The following NBAS variants were observed in gnomAD, a reference collection of about 807,000 sequenced individuals.
NBAS encodes NBAS subunit of NRZ tethering complex, also known as NAG/BC035112 fusion.
NBAS carries 219 observed loss-of-function variants against 302.5 expected under a neutral mutation model. That is an observed-to-expected ratio of 0.72 (90% CI 0.65 to 0.81). NBAS has a LOEUF of 0.81. NBAS is among the 30% of genes least tolerant of loss of function. The pLI is 0.00. For missense variants in NBAS, 2,932 were observed against 2,841.6 expected, an observed-to-expected ratio of 1.03 and a Z score of -0.72; for synonymous variants, 1,118 against 1,021.6, an observed-to-expected ratio of 1.09 and a Z score of -1.80.
the NBAS span, among the ~76,000 whole-genome samples, chr2:15,009,635 C>CAT: frequency 5.1e-4 from 68 of 133,376 alleles, no homozygotes; most frequent in African/African-American, 1.7e-3. Flanking sequence ...CACACACACA[C>CAT]ACATATACAC....
In NBAS at chr2:15,466,641, CAA is replaced by C. The variant is rs923185891; in HGVS notation, c.2097+686_2097+687del. Among the ~76,000 whole-genome samples, 82 of 152,192 alleles carry C rather than the reference CAA, an allele frequency of 5.4e-4. No homozygotes were observed. The Middle Eastern group carries it at 0.017, about 32-fold the overall frequency. On this transcript the variant is annotated intron_variant, in intron 19 of 51. Transcript: ENST00000281513. ...GAATCAACTAAATTCAACCCACTAA[CAA>C]ATAATTAAAATACGCCAGGCATAGT... is the stretch of plus-strand genomic sequence containing the variant.
chr2:14,819,775 T>G, the NBAS span, among the ~76,000 whole-genome samples: 1 of 152,098 alleles, frequency 6.6e-6, no homozygotes, highest in Non-Finnish European at 1.5e-5. Context: ...TGACAAGAAA[T>G]TAATAACTGA....
intron 51 of NBAS, among the ~76,000 whole-genome samples, chr2:15,175,453 C>A (rs1017190070): frequency 2.0e-5 from 3 of 152,196 alleles, no homozygotes; most frequent in Non-Finnish European, 2.9e-5. Context: ...GTTATAAATA[C>A]GTATCTGCTT....
intron 47 of NBAS, among the ~76,000 whole-genome samples, chr2:15,226,521 T>C (rs1290497551): frequency 6.6e-6 from 1 of 152,236 alleles, no homozygotes; most frequent in African/African-American, 2.4e-5. Context: ...TATAGATTTC[T>C]TTTATGAAAG....
intron 47 of NBAS, among the ~76,000 whole-genome samples, chr2:15,225,264 C>T (rs1667106011): frequency 6.6e-6 from 1 of 152,196 alleles, no homozygotes; most frequent in African/African-American, 2.4e-5. Context: ...ACACACCTTG[C>T]TGTAACATGG....
chr2:14,791,370 A>C, the NBAS span, among the ~76,000 whole-genome samples: 1 of 152,354 alleles, frequency 6.6e-6, no homozygotes, highest in South Asian at 2.1e-4. Flanking sequence ...AAGTGGAACG[A>C]AAACACAACC....
chr2:14,847,987 C>G, the NBAS span, among the ~76,000 whole-genome samples: 2 of 152,096 alleles, frequency 1.3e-5, no homozygotes, highest in African/African-American at 4.8e-5. Context: ...ATTTTGGAAA[C>G]AATACAGACA....
At chr2:15,198,707 A>G (rs1665730312) in intron 48 of NBAS, among the ~76,000 whole-genome samples, 1 of 152,230 alleles carries the variant, frequency 6.6e-6, no homozygotes, top group South Asian at 2.1e-4. Flanking sequence ...ATGGAGCAAA[A>G]CAAATGATTA....
rs776726187 is a variant in NBAS, at chr2:15,275,454, C to G, written c.5724+30G>C. On this transcript the variant is annotated intron_variant, in intron 44 of 51. Transcript: ENST00000281513. Reference sequence around the variant, plus strand: ...AAATTTTCATTTCTTCTACTGTGCTCAAACCACTTTAAAATATCTTTTTGT... The same window carrying G: ...AAATTTTCATTTCTTCTACTGTGCTGAAACCACTTTAAAATATCTTTTTGT... 19 of 1,603,104 alleles carry G rather than the reference C, an allele frequency of 1.2e-5. 1 individual carries two copies. In the South Asian group the frequency reaches 2.0e-4, roughly 17 times the overall value.
At chr2:15,200,353 G>GT (rs1665819701) in intron 48 of NBAS, among the ~76,000 whole-genome samples, 2 of 152,088 alleles carry the variant, frequency 1.3e-5, no homozygotes, top group African/African-American at 4.8e-5. Flanking sequence ...AATAAATATG[G>GT]TATTTCAAAT....
At chr2:15,244,934 A>T (rs550140978) in intron 44 of NBAS, among the ~76,000 whole-genome samples, 1 of 152,112 alleles carries the variant, frequency 6.6e-6, no homozygotes, top group East Asian at 1.9e-4. Context: ...AGTGTCATGT[A>T]TCACTCTGGC....
Position 15,308,264 on chromosome 2 carries a change from A to T in NBAS, c.4749T>A (p.Tyr1583Ter). 6.2e-7 allele frequency: 1 copy of T among 1,614,244 alleles called. No individual in the cohort carries two copies. Among genetic ancestry groups the T allele is most frequent in the African/African-American group, 1.3e-5 (1 of 75,066 alleles). Residue 1583 changes from tyrosine to a stop codon, truncating the protein, a stop_gained, in exon 40 of 52, where the codon TAT becomes TAA. Transcript: ENST00000281513. LOFTEE classifies it high-confidence loss of function. ...CCCTGAAACATGGGGCCAATCGGGC[A>T]TAGATCTGGAGGCTATAGTAATACG... ...LAAYYYSLQI[Y>*]ARLAPCFRDK... is the part of the protein sequence containing the mutation.
chr2:14,883,977 A>AT, the NBAS span, among the ~76,000 whole-genome samples: 1 of 151,974 alleles, frequency 6.6e-6, no homozygotes, highest in Admixed American at 6.6e-5. Context: ...CTCTCAAAAA[A>AT]AATAAAATAA....
At chr2:14,851,119 C>CA in the NBAS span, among the ~76,000 whole-genome samples, 1 of 130,450 alleles carries the variant, frequency 7.7e-6, no homozygotes, top group South Asian at 2.3e-4. Flanking sequence ...AAAAACCCTT[C>CA]AAAAAATCAA....
At chr2:14,963,343 A>G in the NBAS span, among the ~76,000 whole-genome samples, 3 of 152,234 alleles carry the variant, frequency 2.0e-5, no homozygotes, top group African/African-American at 7.2e-5. Context: ...TTTAAATATT[A>G]GCTAGCTGTA....
At chr2:15,282,282 AG>A (rs1233932710) in intron 42 of NBAS, among the ~76,000 whole-genome samples, 1 of 152,188 alleles carries the variant, frequency 6.6e-6, no homozygotes, top group Non-Finnish European at 1.5e-5. Flanking sequence ...GAGTTCTTCA[AG>A]GAAAGAAGAG....
intron 47 of NBAS, among the ~76,000 whole-genome samples, chr2:15,227,833 C>A (rs1282256393): frequency 6.6e-6 from 1 of 152,084 alleles, no homozygotes; most frequent in African/African-American, 2.4e-5. Context: ...TTACAAATAT[C>A]AACTATAAAT....
chr2:15,489,036 A>G lies in NBAS; in HGVS notation c.955-14T>C. 6 of 1,612,752 alleles carry G rather than the reference A, an allele frequency of 3.7e-6. No individual in the cohort carries two copies. Among genetic ancestry groups the G allele is most frequent in the African/African-American group, 1.3e-5 (1 of 75,002 alleles). ...AAAAATTCCATCCTAAATAAGAATC[A>G]TAAGGTCAGGGCAAAGGACTTATGG... On this transcript the variant is annotated splice_polypyrimidine_tract_variant and intron_variant, in intron 11 of 51. Coordinates refer to ENST00000281513, the MANE Select transcript of NBAS (RefSeq NM_015909.4).
At chr2:15,094,904 G>T in the NBAS span, among the ~76,000 whole-genome samples, 3 of 152,110 alleles carry the variant, frequency 2.0e-5, no homozygotes, top group Non-Finnish European at 4.4e-5. Context: ...ATTTGAAAGA[G>T]CAAACCACAA....
Sources: allele counts gnomAD v4.1 joint callset (sites outside exome capture counted in the v4.1 genomes callset), GRCh38; gene constraint gnomAD v4.1.1; transcripts MANE v1.5; gene names NCBI Gene and HGNC (gene_info 2026-07-23, HGNC 2026-07-21).